Variants in DGKG observed in about 807,000 individuals in gnomAD.
DGKG encodes diacylglycerol kinase gamma, also known as DAG kinase gamma.
DGKG carries 78 observed loss-of-function variants against 105.3 expected under a neutral mutation model. That is an observed-to-expected ratio of 0.74 (90% CI 0.62 to 0.89). The LOEUF is 0.89. Ranked by LOEUF, DGKG falls within the 40% of genes least tolerant of loss-of-function variation. The probability of loss-of-function intolerance (pLI) is 0.00; values close to 1 mark genes in which losing one functional copy is unlikely to be tolerated. For missense variants in DGKG, 958 were observed against 1,020.1 expected (o/e 0.94, Z 0.83); for synonymous variants, 346 against 367.1 (o/e 0.94, Z 0.66).
Position 186,361,980 on chromosome 3 carries a change from G to C in DGKG, c.-283C>G, listed in dbSNP as rs1727253040. On this transcript the variant is annotated 5_prime_UTR_variant, in exon 1 of 25. Coordinates refer to ENST00000265022, the MANE Select transcript of DGKG (RefSeq NM_001346.3). This position sits in a 1 kb window ranked among gnomAD's most constrained non-coding sequence, Gnocchi z 6.8. The stretch of plus-strand genomic sequence containing the variant: ...CAACACTTGGTTGCGCGGTGGCCCG[G>C]GGCGCTCCTTCTTCGCGGTTTATTC... The C allele has an allele frequency of 6.6e-6, 1 of 152,304 alleles. No individual in the cohort carries two copies. Among genetic ancestry groups the C allele is most frequent in the African/African-American group, 2.4e-5 (1 of 41,446 alleles). The allele number at this position is 152,304 out of a possible 1,614,324, so 9.4% of individuals were successfully genotyped here. A position where few individuals can be genotyped will look rare whatever the true frequency, so the allele number is the denominator to read the frequency against.
intron 19 of DGKG, among the ~76,000 whole-genome samples, chr3:186,246,771 GGGA>G: frequency 6.6e-6 from 1 of 152,298 alleles, no homozygotes; most frequent in East Asian, 1.9e-4. Flanking sequence ...TTATCATGGT[GGGA>G]AGCTTGTCTG....
At chr3:186,338,163 C>A (rs377509561) in intron 1 of DGKG, among the ~76,000 whole-genome samples, 22 of 134,632 alleles carry the variant, frequency 1.6e-4, no homozygotes, top group African/African-American at 6.4e-4. Flanking sequence ...GAGTGAGACC[C>A]TATCTCAAAA....
intron 24 of DGKG, among the ~76,000 whole-genome samples, chr3:186,151,616 A>G (rs1335567194): frequency 6.6e-6 from 1 of 152,182 alleles, no homozygotes; most frequent in Non-Finnish European, 1.5e-5. Context: ...TGGGGTTTTA[A>G]AGGGAGGCAG....
chr3:186,237,394 A>G (rs1720469592), intron 20 of DGKG, among the ~76,000 whole-genome samples: 1 of 152,198 alleles, frequency 6.6e-6, no homozygotes, highest in Non-Finnish European at 1.5e-5. Flanking sequence ...CAGATCATAC[A>G]GCCAGTCCTG....
chr3:186,178,166 C>T (rs1391970717), intron 22 of DGKG, among the ~76,000 whole-genome samples: 10 of 152,154 alleles, frequency 6.6e-5, no homozygotes, highest in South Asian at 2.1e-4. Context: ...TGTGAGAGAT[C>T]GATTTCTGTT....
chr3:186,150,387 C>T (rs1035856535), intron 24 of DGKG, among the ~76,000 whole-genome samples, 199 bp from the exon 25 acceptor site: 21 of 152,032 alleles, frequency 1.4e-4, no homozygotes, highest in Non-Finnish European at 2.2e-4. Flanking sequence ...AAGTGAGGGG[C>T]GGAAGCACTG....
At chr3:186,279,307 T>C (rs1722724687) in intron 9 of DGKG, 3 of 152,414 alleles carry the variant, frequency 2.0e-5, no homozygotes, top group Admixed American at 2.0e-4. Flanking sequence ...AGACAAATCC[T>C]CACTCCTCCT....
intron 5 of DGKG, 47 bp downstream of exon 5, chr3:186,297,374 G>T: frequency 7.2e-7 from 1 of 1,397,554 alleles, no homozygotes; most frequent in Non-Finnish European, 1.0e-6. Flanking sequence ...CCCCAAGGAT[G>T]AGGTATTCCC....
Position 186,272,358 on chromosome 3 carries a change from A to C in DGKG, c.911-15T>G. Reference sequence around the variant, plus strand: ...GTATTTACAGTCTGAAAAGAAAAAAAGTCAAGGCAGGTGCTTGTGAATAGC... The same window carrying C: ...GTATTTACAGTCTGAAAAGAAAAAACGTCAAGGCAGGTGCTTGTGAATAGC... On this transcript the variant is annotated splice_polypyrimidine_tract_variant and intron_variant, in intron 10 of 24. Transcript: ENST00000265022. 1 of 1,600,924 alleles carries C rather than the reference A, an allele frequency of 6.2e-7. No homozygotes were observed. Among genetic ancestry groups the C allele is most frequent in the African/African-American group, 1.3e-5 (1 of 74,764 alleles).
At chr3:186,173,093 A>G (rs1716900777) in intron 22 of DGKG, among the ~76,000 whole-genome samples, 3 of 152,054 alleles carry the variant, frequency 2.0e-5, no homozygotes, top group Admixed American at 2.0e-4. Context: ...GTGTTTCCAA[A>G]TCTCTTCTTA....
intron 1 of DGKG, among the ~76,000 whole-genome samples, chr3:186,324,840 A>G (rs901474290): frequency 2.0e-5 from 3 of 152,252 alleles, no homozygotes; most frequent in African/African-American, 7.2e-5. Context: ...ATTACTGGGT[A>G]TACATCCAAA....
rs553634108 is a variant in DGKG, at chr3:186,284,158, A to G, written c.594+502T>C. Among the ~76,000 whole-genome samples the G allele has an allele frequency of 2.0e-5, 3 of 152,312 alleles. No homozygotes were observed. The South Asian group carries it at 6.2e-4, about 32-fold the overall frequency. On this transcript the variant is annotated intron_variant, in intron 7 of 24. Transcript: ENST00000265022. The surrounding 1 kb of genome is among the most constrained non-coding windows in gnomAD (Gnocchi z 4.0). ...GACTCCTAGGCTAGTGCCCTGGAGTAGGAGAGGCAGCCAAGGGTGACGGCA... is the reference window on the plus strand; with the variant it reads ...GACTCCTAGGCTAGTGCCCTGGAGTGGGAGAGGCAGCCAAGGGTGACGGCA...
intron 15 of DGKG, among the ~76,000 whole-genome samples, chr3:186,261,474 T>C (rs1242291909): frequency 2.0e-5 from 3 of 152,196 alleles, no homozygotes; most frequent in African/African-American, 7.2e-5. Flanking sequence ...GCACCGTGTC[T>C]GTTCTCACCT....
In DGKG at chr3:186,257,862, T is replaced by C. The variant is rs560924252; in HGVS notation, c.1502A>G (p.Asp501Gly). 1.9e-6 allele frequency: 3 copies of C among 1,613,672 alleles called. No individual in the cohort carries two copies. The South Asian group carries it at 3.3e-5, about 18-fold the overall frequency. The part of the protein sequence containing the change: ...GGDGTVGWIL[D>G]CIDKANFAKH... Reference sequence around the variant, plus strand: ...TCTCAGCCCATGCTTACCAATGCAATCCAAAATCCAGCCAACTGTCCCATC... The same window carrying C: ...TCTCAGCCCATGCTTACCAATGCAACCCAAAATCCAGCCAACTGTCCCATC... The change falls in exon 17 of 25, where the codon GAT becomes GGT. Residue 501 changes from aspartate to glycine, a missense_variant. Asp to Gly is a moderately conservative substitution (Grantham distance 94). Coordinates refer to ENST00000265022, the MANE Select transcript of DGKG (RefSeq NM_001346.3).
intron 24 of DGKG, among the ~76,000 whole-genome samples, chr3:186,152,421 C>T (rs1392470208): frequency 6.6e-6 from 1 of 152,196 alleles, no homozygotes; most frequent in African/African-American, 2.4e-5. Context: ...CCCTGTGGAA[C>T]ACGTTTGTGG....
chr3:186,157,350 T>C (rs1239841159), intron 24 of DGKG, among the ~76,000 whole-genome samples: 1 of 152,168 alleles, frequency 6.6e-6, no homozygotes, highest in Non-Finnish European at 1.5e-5. Flanking sequence ...TTTAATACAT[T>C]GTTCAATTCT....
At chr3:186,166,729 G>A (rs3774052) in intron 22 of DGKG, among the ~76,000 whole-genome samples, 73,036 of 151,226 alleles carry the variant, frequency 0.48, 19,492 homozygotes, top group East Asian at 0.76. Flanking sequence ...GTATGTCTAG[G>A]GGTGAGGGGG....
rs1192605265 is a variant in DGKG, at chr3:186,288,826, G to T, written c.428C>A (p.Pro143His). The change falls in exon 6 of 25, where the codon CCC becomes CAC. Residue 143 changes from proline to histidine, a missense_variant. Coordinates refer to ENST00000265022, the MANE Select transcript of DGKG (RefSeq NM_001346.3). The stretch of plus-strand genomic sequence containing the variant: ...AGACCGAGGGACGGGGGGTTCCAGG[G>T]GGGTCGCAGCCACTTGGTCTTCAGC... ...APAEDQVAAT[P>H]LEPPVPRSSS... 6.2e-7 allele frequency: 1 copy of T among 1,610,604 alleles called. No homozygotes were observed. Among genetic ancestry groups the T allele is most frequent in the African/African-American group, 1.3e-5 (1 of 74,714 alleles).
At chr3:186,292,477 G>T (rs1723352920) in intron 5 of DGKG, among the ~76,000 whole-genome samples, 1 of 152,166 alleles carries the variant, frequency 6.6e-6, no homozygotes, top group Non-Finnish European at 1.5e-5. Context: ...TCAAGTAAAT[G>T]ACTTAACTAA....
Sources: gnomAD v4.1 joint callset for allele counts (sites outside exome capture counted in the v4.1 genomes callset) on GRCh38, gnomAD v4.1.1 for gene constraint, Gnocchi (gnomAD v3.1) non-coding constraint, MANE v1.5 for transcripts, NCBI Gene and HGNC (gene_info 2026-07-23, HGNC 2026-07-21) for gene names.